TEX11: variants seen among roughly 807,000 people sequenced by gnomAD.
The protein encoded by TEX11 is testis-expressed protein 11.
Under a neutral mutation model 84.4 loss-of-function variants are expected in TEX11, and 7 were observed. The ratio of observed to expected loss-of-function variants is 0.08; its 90% confidence interval spans 0.05 to 0.16. The LOEUF is 0.16. TEX11 is among the 10% of genes least tolerant of loss of function. The probability of loss-of-function intolerance (pLI) is 1.00; values close to 1 mark genes in which losing one functional copy is unlikely to be tolerated. For synonymous variants in TEX11, 264 were observed against 222.8 expected, an observed-to-expected ratio of 1.18 and a Z score of -1.64; for missense variants, 551 against 660.5, an observed-to-expected ratio of 0.83 and a Z score of 1.82.
intron 9 of TEX11, among the ~76,000 whole-genome samples, chrX:70,765,897 C>T (rs188843759): frequency 2.8e-3 from 317 of 112,022 alleles, no homozygotes; most frequent in Middle Eastern, 0.014. Context: ...AAAGACTACA[C>T]CAAAAACTAT....
chrX:70,774,026 A>G (rs994638931), intron 9 of TEX11, among the ~76,000 whole-genome samples: 3 of 110,038 alleles, frequency 2.7e-5, no homozygotes, highest in Non-Finnish European at 3.8e-5. Flanking sequence ...TGAAAATAAC[A>G]TAGAGAGCTG....
chrX:70,898,885 G>A (rs983782022), intron 2 of TEX11, among the ~76,000 whole-genome samples: 4 of 111,732 alleles, frequency 3.6e-5, no homozygotes, highest in African/African-American at 6.5e-5. Flanking sequence ...GATTACAGGC[G>A]TGAGCCACGG....
At chrX:70,520,639 A>C in the TEX11 span, among the ~76,000 whole-genome samples, 1 of 112,383 alleles carries the variant, frequency 8.9e-6, no homozygotes, top group Non-Finnish European at 1.9e-5. Context: ...TCAGAGCTCA[A>C]ACACTGTGCT....
At chrX:70,782,732 G>C (rs759030074) in intron 9 of TEX11, among the ~76,000 whole-genome samples, 2 of 96,049 alleles carry the variant, frequency 2.1e-5, no homozygotes, top group Non-Finnish European at 4.1e-5. Flanking sequence ...AAAAGACAAA[G>C]AAGGCCATTA....
At chrX:70,759,422 G>T (rs935951741) in intron 9 of TEX11, among the ~76,000 whole-genome samples, 2 of 111,444 alleles carry the variant, frequency 1.8e-5, no homozygotes, top group Non-Finnish European at 3.8e-5. Flanking sequence ...TATCAATCAG[G>T]ACCAAGTCAG....
rs1327213455 is a variant in TEX11 at position 70,894,202 on chromosome X, A to C, written c.37+13551T>G. ...TATTCCAAACAATAGAAAAAGAGAGACTACTCCCTAACTCATTTTATGAGG... is the reference window on the plus strand; with the variant it reads ...TATTCCAAACAATAGAAAAAGAGAGCCTACTCCCTAACTCATTTTATGAGG... On this transcript the variant is annotated intron_variant, in intron 2 of 29. Coordinates refer to ENST00000374333, the MANE Select transcript of TEX11 (RefSeq NM_031276.3). 2.8e-4 allele frequency among the ~76,000 whole-genome samples: 31 copies of C among 111,303 alleles called. No homozygotes were observed. In the Admixed American group the frequency reaches 3.0e-3, roughly 11 times the overall value.
At chrX:70,516,524 C>T in the TEX11 span, among the ~76,000 whole-genome samples, 230 of 111,793 alleles carry the variant, frequency 2.1e-3, no homozygotes, top group African/African-American at 7.1e-3. Flanking sequence ...GTTACCGTAG[C>T]CTTGTAGTAT....
rs57166359 is a variant in TEX11, at chrX:70,671,910, T to TATATATATATATATATAG, written c.1243-1397_1243-1396insCTATATATATATATATAT. 3.8e-3 allele frequency among the ~76,000 whole-genome samples: 255 copies of TATATATATATATATATAG among 67,901 alleles called. 8 individuals are homozygous for TATATATATATATATATAG. Among genetic ancestry groups the TATATATATATATATATAG allele is most frequent in the Admixed American group, 0.014 (68 of 4,793 alleles). The allele number at this position is 67,901 out of a possible 115,157, so 59.0% of individuals were successfully genotyped here. On this transcript the variant is annotated intron_variant, in intron 15 of 29. Transcript: ENST00000374333. ...ATATATATATATATATATATATATA[T>TATATATATATATATATAG]ACACACACACATAGCTAAAACCATC... is the stretch of plus-strand genomic sequence containing the variant.
At chrX:70,549,093 C>G (rs1451514148) in intron 28 of TEX11, among the ~76,000 whole-genome samples, 2 of 111,510 alleles carry the variant, frequency 1.8e-5, no homozygotes, top group Non-Finnish European at 3.8e-5. Flanking sequence ...GGACAGGGCA[C>G]TTGGCATAGT....
At chrX:70,772,567 T>C (rs1429910564) in intron 9 of TEX11, among the ~76,000 whole-genome samples, 1 of 110,866 alleles carries the variant, frequency 9.0e-6, no homozygotes, top group Non-Finnish European at 1.9e-5. Context: ...GAGTGAGACC[T>C]TGTTTAAAAA....
chrX:70,841,986 T>C (rs1333941212), intron 7 of TEX11, among the ~76,000 whole-genome samples: 1 of 111,437 alleles, frequency 9.0e-6, no homozygotes. Flanking sequence ...GTGGCAATAA[T>C]CAACAGCTTA....
intron 24 of TEX11, among the ~76,000 whole-genome samples, chrX:70,594,006 T>C (rs993912775): frequency 7.2e-5 from 8 of 110,878 alleles, no homozygotes; most frequent in African/African-American, 2.6e-4. Flanking sequence ...AAAACAATAA[T>C]CTACACACTC....
At chrX:70,729,503 G>A (rs938731533) in intron 11 of TEX11, among the ~76,000 whole-genome samples, 13 of 112,099 alleles carry the variant, frequency 1.2e-4, no homozygotes, top group Admixed American at 1.0e-3. Flanking sequence ...CAAGAACTAC[G>A]TGATGAATGC....
At chrX:70,573,134 A>G (rs1157431181) in intron 25 of TEX11, among the ~76,000 whole-genome samples, 2 of 111,541 alleles carry the variant, frequency 1.8e-5, no homozygotes, top group Non-Finnish European at 3.8e-5. Context: ...GAGAAGGAAT[A>G]GTATATATCA....
At chrX:70,895,408 G>A (rs1447463635) in intron 2 of TEX11, among the ~76,000 whole-genome samples, 1 of 111,688 alleles carries the variant, frequency 9.0e-6, no homozygotes, top group East Asian at 2.8e-4. Flanking sequence ...CCATGCTCAT[G>A]GATAAGAAGA....
chrX:70,598,630 G>C, intron 24 of TEX11, among the ~76,000 whole-genome samples: 1 of 112,107 alleles, frequency 8.9e-6, no homozygotes, highest in Non-Finnish European at 1.9e-5. Flanking sequence ...TCCATCAATG[G>C]ATGAATGGAT....
At chrX:70,687,894 G>C (rs2090202370) in intron 13 of TEX11, among the ~76,000 whole-genome samples, 1 of 107,597 alleles carries the variant, frequency 9.3e-6, no homozygotes, top group African/African-American at 3.4e-5. Context: ...AGAAAAGGAA[G>C]GAAGGAAGGA....
chrX:70,540,549 C>T (rs1259819426), intron 28 of TEX11, among the ~76,000 whole-genome samples: 6 of 111,650 alleles, frequency 5.4e-5, no homozygotes, highest in Non-Finnish European at 1.1e-4. Context: ...AAGAGATAGA[C>T]ACTTTTGCTT....
At chrX:70,838,781 C>T (rs1000318414) in intron 7 of TEX11, among the ~76,000 whole-genome samples, 1 of 112,418 alleles carries the variant, frequency 8.9e-6, no homozygotes, top group Non-Finnish European at 1.9e-5. Context: ...GGGTCACTCC[C>T]ACCCTAATAC....
Sources: allele counts gnomAD v4.1 joint callset (sites outside exome capture counted in the v4.1 genomes callset), GRCh38; gene constraint gnomAD v4.1.1; transcripts MANE v1.5; gene names NCBI Gene and HGNC (gene_info 2026-07-23, HGNC 2026-07-21).